The following SLC2A14 variants were observed in gnomAD, a reference collection of about 807,000 sequenced individuals.
The protein encoded by SLC2A14 is solute carrier family 2, facilitated glucose transporter member 14.
SLC2A14 carries 13 observed loss-of-function variants against 43.0 expected under a neutral mutation model. The observed-to-expected ratio is 0.30, with a 90% confidence interval of 0.20 to 0.48. The LOEUF is 0.48. Among genes scored for constraint, SLC2A14 ranks in the 20% least tolerant of loss-of-function variants. The pLI, the probability that SLC2A14 is intolerant of heterozygous loss-of-function variation, is 0.99. For synonymous variants in SLC2A14, 190 were observed against 233.8 expected, an observed-to-expected ratio of 0.81 and a Z score of 1.71; for missense variants, 428 against 620.4, an observed-to-expected ratio of 0.69 and a Z score of 3.29.
At position 7,830,806 on chromosome 12, in the gene SLC2A14, T is replaced by C. The variant is rs76263669; in HGVS notation, c.272+798A>G. 3.6e-3 allele frequency among the ~76,000 whole-genome samples: 552 copies of C among 152,304 alleles called. 4 individuals carry two copies. The highest frequency in any genetic ancestry group is 0.013 in the African/African-American group (534 of 41,578). ...ATATATTCTACCTTCTAAAATAGAT[T>C]ACTAAGCTAGTATAAAATAAGAAGA... On this transcript the variant is annotated intron_variant, in intron 4 of 10. Transcript: ENST00000431042.
At chr12:7,825,534 C>T (rs1241513148) in intron 7 of SLC2A14, among the ~76,000 whole-genome samples, 21 of 143,196 alleles carry the variant, frequency 1.5e-4, no homozygotes, top group Non-Finnish European at 9.5e-5. Context: ...GAGGCCGAGG[C>T]GGGCAGATCA....
intron 2 of SLC2A14, among the ~76,000 whole-genome samples, chr12:7,857,978 T>A (rs1944341499): frequency 6.6e-6 from 1 of 151,884 alleles, no homozygotes; most frequent in African/African-American, 2.4e-5. Context: ...AACAAAAAAA[T>A]TAAAATTAGC....
upstream of SLC2A14, among the ~76,000 whole-genome samples, chr12:7,874,770 A>AAT (rs1313712965): frequency 3.8e-3 from 32 of 8,370 alleles, 1 homozygote; most frequent in South Asian, 0.069. Flanking sequence ...TAACTATATA[A>AAT]ACATATATAA....
chr12:7,820,492 G>A (rs1863824096), intron 8 of SLC2A14, among the ~76,000 whole-genome samples: 2 of 152,150 alleles, frequency 1.3e-5, no homozygotes, highest in African/African-American at 4.8e-5. Context: ...TCTCCAGGTA[G>A]TGTCAGAATT....
chr12:7,838,418 A>G (rs1359450801), intron 2 of SLC2A14, among the ~76,000 whole-genome samples: 4 of 152,272 alleles, frequency 2.6e-5, no homozygotes, highest in Admixed American at 6.5e-5. Context: ...AATTTGCCTT[A>G]CTAGAATTTT....
At chr12:7,826,370 TAA>T (rs776130906) in intron 7 of SLC2A14, among the ~76,000 whole-genome samples, 4 of 152,094 alleles carry the variant, frequency 2.6e-5, no homozygotes, top group Non-Finnish European at 5.9e-5. Context: ...TACATTCTGA[TAA>T]AACAGCTTCT....
chr12:7,828,208 A>G (rs1864665673), intron 6 of SLC2A14, among the ~76,000 whole-genome samples: 1 of 152,112 alleles, frequency 6.6e-6, no homozygotes, highest in African/African-American at 2.4e-5. Context: ...ATAAAAACAC[A>G]AAAACATTAG....
intron 2 of SLC2A14, among the ~76,000 whole-genome samples, chr12:7,840,665 C>T (rs771261388): frequency 3.4e-4 from 52 of 152,282 alleles, no homozygotes; most frequent in African/African-American, 1.2e-3. Context: ...GGATTACGGG[C>T]GTGAGGCACT....
chr12:7,874,354 G>T (rs980635994), upstream of SLC2A14, among the ~76,000 whole-genome samples: 29 of 152,160 alleles, frequency 1.9e-4, no homozygotes, highest in South Asian at 1.0e-3. Flanking sequence ...GTTCATCTCA[G>T]CCTGGCCTTT....
intron 2 of SLC2A14, among the ~76,000 whole-genome samples, chr12:7,855,702 G>GTTT (rs774511791): frequency 0.27 from 40,398 of 151,606 alleles, 5,835 homozygotes; most frequent in Middle Eastern, 0.34. Context: ...CAGTTGCACG[G>GTTT]CTTCAGCTCA....
intron 1 of SLC2A14, chr12:7,871,771 C>T: frequency 3.0e-6 from 1 of 338,976 alleles, no homozygotes; most frequent in Non-Finnish European, 4.2e-6. Flanking sequence ...TACCATTTCA[C>T]ATGCATCCCC....
chr12:7,889,496 G>A (rs766690256), intron 1 of SLC2A14, among the ~76,000 whole-genome samples: 2 of 151,088 alleles, frequency 1.3e-5, no homozygotes, highest in South Asian at 4.2e-4. Context: ...GCCTCCCAAA[G>A]TGCTGGGATT....
intron 2 of SLC2A14, among the ~76,000 whole-genome samples, chr12:7,839,361 A>G (rs1334653503): frequency 1.3e-5 from 2 of 151,348 alleles, no homozygotes; most frequent in African/African-American, 4.9e-5. Context: ...CACCAAAAGG[A>G]GGACTCGTGC....
At chr12:7,882,232 A>C (rs997600734) in intron 1 of SLC2A14, among the ~76,000 whole-genome samples, 10 of 152,028 alleles carry the variant, frequency 6.6e-5, no homozygotes, top group African/African-American at 2.2e-4. Flanking sequence ...CACCGGGAGA[A>C]ACGAACGATT....
intron 9 of SLC2A14, 147 bp downstream of exon 9, chr12:7,819,335 G>C: frequency 1.4e-6 from 2 of 1,391,040 alleles, no homozygotes; most frequent in Non-Finnish European, 2.0e-6. Flanking sequence ...GATGACCCAT[G>C]TTTCTTAAAA....
intron 1 of SLC2A14, chr12:7,890,682 C>G (rs1168226791): frequency 5.7e-6 from 1 of 175,852 alleles, no homozygotes; most frequent in African/African-American, 2.4e-5. Context: ...CAGCCACCAA[C>G]CCCCTTCCCT....
At chr12:7,862,264 CAAAAAAAA>C (rs71038792) in intron 2 of SLC2A14, among the ~76,000 whole-genome samples, 6 of 58,922 alleles carry the variant, frequency 1.0e-4, no homozygotes, top group African/African-American at 4.4e-4. Context: ...ACTTGTCTCT[CAAAAAAAA>C]AAAAAAAAAA....
chr12:7,855,215 CCATCTTTA>C (rs1353869759), intron 2 of SLC2A14, among the ~76,000 whole-genome samples: 1 of 152,130 alleles, frequency 6.6e-6, no homozygotes, highest in African/African-American at 2.4e-5. Context: ...ATTAGGCATT[CCATCTTTA>C]CATCCTCTTA....
chr12:7,815,586 T>C (rs1863367337), intron 10 of SLC2A14, among the ~76,000 whole-genome samples: 2 of 151,962 alleles, frequency 1.3e-5, no homozygotes. Context: ...TTTTGTTTTG[T>C]TTTTTTTGAG....
Sources: gnomAD v4.1 joint callset for allele counts (sites outside exome capture counted in the v4.1 genomes callset) on GRCh38, gnomAD v4.1.1 for gene constraint, MANE v1.5 for transcripts, NCBI Gene and HGNC (gene_info 2026-07-23, HGNC 2026-07-21) for gene names.